Variants in ANXA11 observed in about 807,000 individuals in gnomAD.
The protein encoded by ANXA11 is 56 kDa autoantigen.
A neutral mutation model predicts 64.7 loss-of-function variants in ANXA11; 57 were observed. The observed-to-expected ratio is 0.88, with a 90% CI of 0.71 to 1.10. The LOEUF (loss-of-function observed/expected upper bound fraction) is 1.10. Ranked by LOEUF, ANXA11 falls within the 50% of genes least tolerant of loss-of-function variation. The pLI is 0.00. For missense variants in ANXA11, 675 were observed against 670.7 expected, an observed-to-expected ratio of 1.01 and a Z score of -0.07; for synonymous variants, 260 against 265.2, an observed-to-expected ratio of 0.98 and a Z score of 0.19.
chr10:80,189,640 C>G (rs1053827587), intron 1 of ANXA11, among the ~76,000 whole-genome samples: 1 of 152,218 alleles, frequency 6.6e-6, no homozygotes, highest in African/African-American at 2.4e-5. Context: ...TCATACTTAC[C>G]ATTGTGTATC....
At chr10:80,197,594 G>A (rs1840222755) in intron 1 of ANXA11, among the ~76,000 whole-genome samples, 1 of 152,116 alleles carries the variant, frequency 6.6e-6, no homozygotes, top group Admixed American at 6.5e-5. Flanking sequence ...CATATTTGGG[G>A]TTGAAGAAGG....
rs1192141128 is a variant in ANXA11 at position 80,166,073 on chromosome 10, C to T, written c.858+11G>A. 4.1e-6 allele frequency: 6 copies of T among 1,451,310 alleles called. No individual in the cohort carries two copies. Among genetic ancestry groups the T allele is most frequent in the Non-Finnish European group, 5.8e-6 (6 of 1,035,524 alleles). The allele number at this position is 1,451,310 out of a possible 1,614,324, so 89.9% of individuals were successfully genotyped here. A position where few individuals can be genotyped will look rare whatever the true frequency, so the allele number is the denominator to read the frequency against. On this transcript the variant is annotated intron_variant, in intron 8 of 15. Coordinates refer to ENST00000422982, the MANE Select transcript of ANXA11 (RefSeq NM_145868.2). ...ACACACACACACACACACACACACACACGTACACACCTTGATGGCTTCCTT... is the reference window on the plus strand; with the variant it reads ...ACACACACACACACACACACACACATACGTACACACCTTGATGGCTTCCTT...
chr10:80,159,277 C>G, intron 12 of ANXA11, 82 bp from the exon 13 acceptor site: 1 of 1,089,512 alleles, frequency 9.2e-7, no homozygotes, highest in Non-Finnish European at 1.4e-6. Context: ...ACTCCCAGGA[C>G]TTCAGAATAT....
rs766560304 is a variant in ANXA11 at position 80,164,080 on chromosome 10, G to C, written c.922C>G (p.Arg308Gly). 2 of 1,614,134 alleles carry C rather than the reference G, an allele frequency of 1.2e-6. No individual in the cohort carries two copies. The highest frequency in any genetic ancestry group is 4.5e-5 in the East Asian group (2 of 44,880). ...ILASRSNEHI[R>G]ELNRAYKAEF... is the part of the protein sequence containing the mutation. ...GCTTTGTAGGCTCTGTTTAATTCTC[G>C]GATGTGCTCATTGCTGCGGGAAGCG... The change falls in exon 9 of 16, where the codon CGA (arginine) becomes GGA (glycine). Residue 308 changes from arginine to glycine, a missense_variant. Physicochemically the swap from Arg to Gly is moderately radical, Grantham distance 125. Coordinates refer to ENST00000422982, the MANE Select transcript of ANXA11 (RefSeq NM_145868.2).
At chr10:80,159,937 C>A (rs1424673653) in intron 12 of ANXA11, among the ~76,000 whole-genome samples, 1 of 152,192 alleles carries the variant, frequency 6.6e-6, no homozygotes, top group Non-Finnish European at 1.5e-5. Context: ...GCCCAGCCTG[C>A]CCCAGCCAGC....
chr10:80,194,675 G>C (rs968826517), intron 1 of ANXA11, among the ~76,000 whole-genome samples: 5 of 152,190 alleles, frequency 3.3e-5, no homozygotes, highest in African/African-American at 1.2e-4. Context: ...TGCGCCTGCA[G>C]GGCCTCAGTG....
intron 1 of ANXA11, among the ~76,000 whole-genome samples, chr10:80,192,957 G>A (rs1846835586): frequency 6.6e-6 from 1 of 152,056 alleles, no homozygotes; most frequent in African/African-American, 2.4e-5. Flanking sequence ...ACATAAATAA[G>A]GAAAATAAAG....
chr10:80,157,512 T>C, intron 15 of ANXA11, 129 bp downstream of exon 15: 1 of 1,492,142 alleles, frequency 6.7e-7, no homozygotes, highest in East Asian at 2.3e-5. Flanking sequence ...GATGAACAAG[T>C]CCGAGGTCCA....
intron 13 of ANXA11, among the ~76,000 whole-genome samples, chr10:80,158,329 G>A (rs7921126): frequency 0.043 from 6,531 of 152,222 alleles, 472 homozygotes; most frequent in African/African-American, 0.15. Context: ...GGGAAGCAAT[G>A]TGGATGGTGA....
At chr10:80,183,202 A>G (rs1310103403) in intron 1 of ANXA11, among the ~76,000 whole-genome samples, 1 of 152,210 alleles carries the variant, frequency 6.6e-6, no homozygotes, top group Non-Finnish European at 1.5e-5. Context: ...GGTGCAGACA[A>G]GGGCCTGGAG....
intron 1 of ANXA11, among the ~76,000 whole-genome samples, chr10:80,194,010 G>T (rs942708530): frequency 6.6e-6 from 1 of 151,844 alleles, no homozygotes; most frequent in South Asian, 2.1e-4. Context: ...GTAGAGACAG[G>T]GTTTCGCCAT....
At position 80,196,729 on chromosome 10, in the gene ANXA11, T is replaced by C. The variant is rs1840186945; in HGVS notation, c.-58+8614A>G. Among the ~76,000 whole-genome samples, 3 of 152,086 alleles carry C rather than the reference T, an allele frequency of 2.0e-5. No homozygotes were observed. In the South Asian group the frequency reaches 6.2e-4, roughly 32 times the overall value. On this transcript the variant is annotated intron_variant, in intron 1 of 15. Coordinates refer to ENST00000422982, the MANE Select transcript of ANXA11 (RefSeq NM_145868.2). ...CACTCCACCAACCCTGACCATATTT[T>C]CCCAGGCACTAAACAAAAAGCCTAC...
At chr10:80,197,546 C>A (rs1840220742) in intron 1 of ANXA11, among the ~76,000 whole-genome samples, 1 of 152,186 alleles carries the variant, frequency 6.6e-6, no homozygotes, top group Non-Finnish European at 1.5e-5. Context: ...CAAATAGCCT[C>A]TGCCCTCAAA....
At chr10:80,175,553 G>A (rs1303090902) in intron 2 of ANXA11, among the ~76,000 whole-genome samples, 1 of 150,576 alleles carries the variant, frequency 6.6e-6, no homozygotes. Flanking sequence ...AAAAACCAAC[G>A]ACATAAATAA....
intron 2 of ANXA11, among the ~76,000 whole-genome samples, chr10:80,173,397 C>T (rs145201920): frequency 3.7e-4 from 56 of 152,320 alleles, no homozygotes; most frequent in Non-Finnish European, 4.7e-4. Flanking sequence ...ATGGAATCAT[C>T]GTTCCTAGAA....
chr10:80,199,418 G>A (rs1289650098), intron 1 of ANXA11, among the ~76,000 whole-genome samples: 2 of 152,016 alleles, frequency 1.3e-5, no homozygotes, highest in African/African-American at 4.8e-5. Context: ...TTTTAAGTGA[G>A]AAAGAAATAT....
At chr10:80,187,135 C>A (rs1050972843) in intron 1 of ANXA11, among the ~76,000 whole-genome samples, 3 of 152,196 alleles carry the variant, frequency 2.0e-5, no homozygotes, top group Admixed American at 6.5e-5. Context: ...AGTCCTGACT[C>A]CAAAGTGTGG....
At chr10:80,157,909 G>A (rs1845339909) in intron 14 of ANXA11, 58 bp downstream of exon 14, 1 of 1,602,808 alleles carries the variant, frequency 6.2e-7, no homozygotes, top group Admixed American at 1.7e-5. Flanking sequence ...TCAGCCCTTG[G>A]TCCCAGGCAC....
intron 11 of ANXA11, among the ~76,000 whole-genome samples, chr10:80,162,245 G>C (rs1166909527): frequency 1.3e-5 from 2 of 152,212 alleles, no homozygotes; most frequent in Non-Finnish European, 2.9e-5. Context: ...GATCCCACAG[G>C]TCAAGATGAG....
Sources: allele counts gnomAD v4.1 joint callset (sites outside exome capture counted in the v4.1 genomes callset), GRCh38; gene constraint gnomAD v4.1.1; transcripts MANE v1.5; gene names NCBI Gene and HGNC (gene_info 2026-07-23, HGNC 2026-07-21).